Variants in TENM2 observed in about 807,000 individuals in gnomAD.
The protein encoded by TENM2 is teneurin-2.
A neutral mutation model predicts 245.2 loss-of-function variants in TENM2; 52 were observed. The ratio of observed to expected loss-of-function variants is 0.21; its 90% confidence interval spans 0.17 to 0.27. The LOEUF is 0.27. Among genes scored for constraint, TENM2 ranks in the 10% least tolerant of loss-of-function variants. TENM2 has a pLI of 1.00. For synonymous variants in TENM2, 1,363 were observed against 1,438.9 expected (o/e 0.95, Z 1.19); for missense variants, 3,046 against 3,666.8 (o/e 0.83, Z 4.37).
chr5:167,927,907 A>C (rs1777886063), intron 3 of TENM2, among the ~76,000 whole-genome samples: 1 of 152,186 alleles, frequency 6.6e-6, no homozygotes, highest in African/African-American at 2.4e-5. Flanking sequence ...AGAGAGGCTG[A>C]TGTTCTGAAA....
At chr5:167,197,572 C>T in the TENM2 span, among the ~76,000 whole-genome samples, 1 of 151,968 alleles carries the variant, frequency 6.6e-6, no homozygotes, top group African/African-American at 2.4e-5. Context: ...ACTGCATTTG[C>T]CCTGCTACCC....
intron 25 of TENM2, among the ~76,000 whole-genome samples, chr5:168,237,867 G>T (rs1004601523): frequency 4.0e-5 from 6 of 151,890 alleles, no homozygotes; most frequent in African/African-American, 7.3e-5. Flanking sequence ...CCCAGGCCGG[G>T]CGCGGTGGCT....
intron 2 of TENM2, among the ~76,000 whole-genome samples, chr5:167,522,861 T>C (rs962747281): frequency 6.6e-6 from 1 of 152,030 alleles, no homozygotes; most frequent in African/African-American, 2.4e-5. Context: ...CAGCTATGTG[T>C]GTTAGTATTA....
At chr5:167,810,755 A>G (rs1766577246) in intron 2 of TENM2, among the ~76,000 whole-genome samples, 1 of 152,146 alleles carries the variant, frequency 6.6e-6, no homozygotes, top group African/African-American at 2.4e-5. Context: ...CACTTGTCAC[A>G]ATGGACAACA....
At chr5:167,012,982 AG>A in the TENM2 span, among the ~76,000 whole-genome samples, 1 of 152,192 alleles carries the variant, frequency 6.6e-6, no homozygotes, top group African/African-American at 2.4e-5. Context: ...GAGTGCAAAA[AG>A]TAAGGGGAAT....
the TENM2 span, among the ~76,000 whole-genome samples, chr5:167,071,264 A>G: frequency 6.6e-6 from 1 of 152,212 alleles, no homozygotes; most frequent in Non-Finnish European, 1.5e-5. Context: ...TAATAGCATT[A>G]CAAACTAATA....
chr5:168,182,787 C>G (rs1220486410), intron 13 of TENM2, among the ~76,000 whole-genome samples: 2 of 151,008 alleles, frequency 1.3e-5, no homozygotes, highest in Admixed American at 1.3e-4. Flanking sequence ...CTAGGACCCA[C>G]GTGAGCCCTG....
At chr5:167,059,462 C>T in the TENM2 span, among the ~76,000 whole-genome samples, 1 of 152,152 alleles carries the variant, frequency 6.6e-6, no homozygotes, top group Non-Finnish European at 1.5e-5. Context: ...AATGTTTCTA[C>T]TACCTTGTAG....
chr5:168,083,125 G>T (rs1488776008), intron 7 of TENM2, among the ~76,000 whole-genome samples: 2 of 152,172 alleles, frequency 1.3e-5, no homozygotes, highest in African/African-American at 2.4e-5. Flanking sequence ...CGGCCACTTT[G>T]TTTACCTGCT....
chr5:167,608,846 G>T (rs1019305645), intron 2 of TENM2, among the ~76,000 whole-genome samples: 3 of 152,128 alleles, frequency 2.0e-5, no homozygotes, highest in Non-Finnish European at 2.9e-5. Context: ...ACACCCAAAC[G>T]CCTTCTCTTG....
chr5:167,072,678 T>C, the TENM2 span, among the ~76,000 whole-genome samples: 1 of 152,212 alleles, frequency 6.6e-6, no homozygotes, highest in East Asian at 1.9e-4. Context: ...ACTTATTTGC[T>C]CAGAGCAAGT....
At chr5:168,105,746 A>C (rs1322382691) in intron 9 of TENM2, among the ~76,000 whole-genome samples, 2 of 152,298 alleles carry the variant, frequency 1.3e-5, no homozygotes, top group Non-Finnish European at 2.9e-5. Flanking sequence ...ATTTTCCATC[A>C]GGCACCTCTC....
At chr5:168,152,061 T>C (rs551666462) in intron 12 of TENM2, among the ~76,000 whole-genome samples, 1 of 152,356 alleles carries the variant, frequency 6.6e-6, no homozygotes, top group East Asian at 1.9e-4. Context: ...CCCACCCTGC[T>C]ACTTTGGCCA....
chr5:168,235,231 G>A (rs1765319330), intron 25 of TENM2, among the ~76,000 whole-genome samples: 1 of 152,152 alleles, frequency 6.6e-6, no homozygotes, highest in East Asian at 1.9e-4. Flanking sequence ...TTGGCACTAC[G>A]CTAGGCACTG....
At chr5:167,082,175 A>G in the TENM2 span, among the ~76,000 whole-genome samples, 3 of 152,228 alleles carry the variant, frequency 2.0e-5, no homozygotes, top group East Asian at 1.9e-4. Context: ...TACTATGATT[A>G]CTACAGCATT....
chr5:167,638,728 T>C (rs1203155459), intron 2 of TENM2, among the ~76,000 whole-genome samples: 1 of 152,236 alleles, frequency 6.6e-6, no homozygotes, highest in Non-Finnish European at 1.5e-5. Context: ...GTAATTGGAA[T>C]ACATATTACA....
intron 2 of TENM2, among the ~76,000 whole-genome samples, chr5:167,502,185 A>T (rs1769255012): frequency 6.6e-6 from 1 of 152,190 alleles, no homozygotes; most frequent in Non-Finnish European, 1.5e-5. Context: ...CAATAGTGGG[A>T]TGCACTGTGG....
At chr5:167,274,316 TTG>T in the TENM2 span, among the ~76,000 whole-genome samples, 8 of 152,168 alleles carry the variant, frequency 5.3e-5, no homozygotes, top group African/African-American at 1.9e-4. Context: ...TTCATACTGA[TTG>T]TTCTGTGTAT....
intron 2 of TENM2, among the ~76,000 whole-genome samples, chr5:167,834,945 C>T (rs866319243): frequency 2.0e-5 from 3 of 152,272 alleles, no homozygotes; most frequent in South Asian, 2.1e-4. Context: ...CCACTGCGCC[C>T]GGCCTTTGTG....
Sources: allele counts gnomAD v4.1 joint callset (sites outside exome capture counted in the v4.1 genomes callset), GRCh38; gene constraint gnomAD v4.1.1; transcripts MANE v1.5; gene names NCBI Gene and HGNC (gene_info 2026-07-23, HGNC 2026-07-21).